The following GSN variants were observed in gnomAD, a reference collection of about 807,000 sequenced individuals.
The protein encoded by GSN is actin-depolymerizing factor.
GSN carries 56 observed loss-of-function variants against 85.7 expected under a neutral mutation model. The observed-to-expected ratio is 0.65, with a 90% CI of 0.53 to 0.82. The LOEUF is 0.82. GSN is among the 40% of genes least tolerant of loss of function. GSN has a pLI of 0.00. For missense variants in GSN, 857 were observed against 979.8 expected, an observed-to-expected ratio of 0.87 and a Z score of 1.67; for synonymous variants, 373 against 399.1, an observed-to-expected ratio of 0.93 and a Z score of 0.78.
In GSN at chr9:121,261,683, T is replaced by G. The variant is rs543039736; in HGVS notation, c.-340-3471T>G. On this transcript the variant is annotated intron_variant, in intron 6 of 24. Transcript: ENST00000373823. This position sits in a 1 kb window ranked among gnomAD's most constrained non-coding sequence, Gnocchi z 4.1. Reference sequence around the variant, plus strand: ...GCCATATGGCTTGGTCTCCCGTAACTCAGTGGATGTACCCTGTATCCCTGA... The same window carrying G: ...GCCATATGGCTTGGTCTCCCGTAACGCAGTGGATGTACCCTGTATCCCTGA... 6.6e-6 allele frequency among the ~76,000 whole-genome samples: 1 copy of G among 152,312 alleles called. No individual in the cohort carries two copies. The highest frequency in any genetic ancestry group is 2.1e-4 in the South Asian group (1 of 4,824).
chr9:121,211,120 T>C (rs890221484), intron 4 of GSN, among the ~76,000 whole-genome samples: 10 of 152,170 alleles, frequency 6.6e-5, no homozygotes, highest in Admixed American at 1.3e-4. Context: ...GTACATAGAA[T>C]AGTCAAATAC....
chr9:121,224,774 T>TTGTA (rs1427873787), intron 4 of GSN, among the ~76,000 whole-genome samples: 1 of 149,764 alleles, frequency 6.7e-6, no homozygotes, highest in East Asian at 1.9e-4. Flanking sequence ...AAAACTGAAT[T>TTGTA]TGTATGTATC....
Position 121,332,468 on chromosome 9 carries a change from G to T in GSN, c.2061G>T (p.Arg687=). Residue 687 remains arginine (R), a synonymous_variant, in exon 18 of 18, where the codon CGG becomes CGT. Transcript: ENST00000432226. This position sits in a 1 kb window ranked among gnomAD's most constrained non-coding sequence, Gnocchi z 4.8. ...ACATCGAGACGGACCCAGCCAATCG[G>T]GATCGGCGGACGCCCATCACCGTGG... The part of the protein sequence containing the change: ...KRYIETDPAN[R]DRRTPITVVK... 2 of 1,614,066 alleles carry T rather than the reference G, an allele frequency of 1.2e-6. No homozygotes were observed. Among genetic ancestry groups the T allele is most frequent in the Non-Finnish European group, 1.7e-6 (2 of 1,179,934 alleles).
chr9:121,233,731 G>C (rs1018242813), intron 5 of GSN, among the ~76,000 whole-genome samples: 1 of 152,144 alleles, frequency 6.6e-6, no homozygotes, highest in Non-Finnish European at 1.5e-5. Context: ...GGAGTGGTTT[G>C]TTGTACAGCA....
intron 2 of GSN, among the ~76,000 whole-genome samples, chr9:121,295,022 T>C (rs1297436396): frequency 6.6e-6 from 1 of 152,196 alleles, no homozygotes. Flanking sequence ...AGCCCAGACC[T>C]GAACTCTAGC....
chr9:121,281,819 C>T (rs2057411120), intron 2 of GSN: 1 of 471,132 alleles, frequency 2.1e-6, no homozygotes, highest in African/African-American at 2.0e-5. Flanking sequence ...GGCTCCCACC[C>T]TGGCTGTGCT....
Position 121,317,160 on chromosome 9 carries a change from G to C in GSN, c.828G>C (p.Lys276Asn), listed in dbSNP as rs1211183624. 2 of 1,614,056 alleles carry C rather than the reference G, an allele frequency of 1.2e-6. No individual in the cohort carries two copies. The highest frequency in any genetic ancestry group is 8.5e-7 in the Non-Finnish European group (1 of 1,180,016). ...DENPFAQGALKSEDCFILDHG... is the reference protein window; with the variant it reads ...DENPFAQGALNSEDCFILDHG... ...ACCCCTTCGCCCAGGGGGCCCTGAAGTCAGAGGACTGCTTCATCCTGGACC... is the reference window on the plus strand; with the variant it reads ...ACCCCTTCGCCCAGGGGGCCCTGAACTCAGAGGACTGCTTCATCCTGGACC... The change falls in exon 8 of 18, where the codon AAG becomes AAC. Residue 276 changes from lysine to asparagine, a missense_variant. Transcript: ENST00000432226.
intron 4 of GSN, among the ~76,000 whole-genome samples, chr9:121,212,584 A>T (rs2053987521): frequency 6.6e-6 from 1 of 151,928 alleles, no homozygotes; most frequent in Non-Finnish European, 1.5e-5. Flanking sequence ...CGACAAATTA[A>T]GCTAGACATA....
upstream of GSN, among the ~76,000 whole-genome samples, chr9:121,263,650 G>C (rs1358177560): frequency 6.6e-6 from 1 of 152,070 alleles, no homozygotes; most frequent in Admixed American, 6.5e-5. Context: ...CAGCACTTTG[G>C]TAGGCTGAGG....
intron 1 of GSN, among the ~76,000 whole-genome samples, chr9:121,278,977 G>A (rs937744788): frequency 4.6e-5 from 7 of 152,218 alleles, no homozygotes; most frequent in African/African-American, 1.2e-4. Flanking sequence ...ACGTGTGCAC[G>A]CATGGGAGTC....
chr9:121,224,702 G>A (rs1384116398), intron 4 of GSN, among the ~76,000 whole-genome samples: 2 of 141,412 alleles, frequency 1.4e-5, no homozygotes, highest in African/African-American at 5.3e-5. Flanking sequence ...TCGTCCTTCA[G>A]TTGGTCAATC....
chr9:121,264,034 G>A (rs1442115425), upstream of GSN, among the ~76,000 whole-genome samples: 1 of 152,020 alleles, frequency 6.6e-6, no homozygotes. Flanking sequence ...TACAATTCGA[G>A]ATGAGATTTG....
At chr9:121,322,204 C>T (rs2062558976) in intron 11 of GSN, among the ~76,000 whole-genome samples, 1 of 152,132 alleles carries the variant, frequency 6.6e-6, no homozygotes, top group African/African-American at 2.4e-5. Flanking sequence ...CTTGCATATC[C>T]TTCCAGTAAC....
At chr9:121,204,274 A>G (rs1004412276), upstream of GSN, among the ~76,000 whole-genome samples, 4 of 152,214 alleles carry the variant, frequency 2.6e-5, no homozygotes, top group African/African-American at 9.6e-5. Flanking sequence ...TTTAGGTGAA[A>G]ATTGGGTGGG....
At position 121,302,003 on chromosome 9, in the gene GSN, C is replaced by T; in HGVS notation, c.32C>T (p.Ala11Val). The change falls in exon 3 of 18, where the codon GCA (alanine) becomes GTA (valine). Residue 11 changes from alanine to valine, a missense_variant. By Grantham distance (64) the Ala-to-Val change is moderately conservative. Transcript: ENST00000432226. Reference protein sequence around the residue: MVVEHPEFLKAGKEPGLQIWR... With the variant: MVVEHPEFLKVGKEPGLQIWR... Reference sequence around the variant, plus strand: ...GTGGAACACCCCGAGTTCCTCAAGGCAGGGAAGGAGCCTGGCCTGCAGATC... The same window carrying T: ...GTGGAACACCCCGAGTTCCTCAAGGTAGGGAAGGAGCCTGGCCTGCAGATC... 6.2e-7 allele frequency: 1 copy of T among 1,614,272 alleles called. No homozygotes were observed. The highest frequency in any genetic ancestry group is 8.5e-7 in the Non-Finnish European group (1 of 1,180,044).
chr9:121,312,134 A>G (rs1310788945), intron 5 of GSN: 2 of 564,238 alleles, frequency 3.5e-6, no homozygotes, highest in Non-Finnish European at 6.3e-6. Context: ...TCCTGTCCTC[A>G]GACATGCGCT....
chr9:121,268,405 ATGGG>A (rs1189760487), intron 1 of GSN, among the ~76,000 whole-genome samples, 186 bp downstream of exon 1: 1 of 151,964 alleles, frequency 6.6e-6, no homozygotes, highest in African/African-American at 2.4e-5. Context: ...AAGAGTGTGG[ATGGG>A]AGTTGGGGGA....
intron 2 of GSN, chr9:121,286,710 A>G (rs781504714): frequency 1.3e-6 from 2 of 1,535,468 alleles, no homozygotes; most frequent in South Asian, 1.2e-5. Flanking sequence ...CACTGTGGCC[A>G]TCATTCTCCT....
upstream of GSN, among the ~76,000 whole-genome samples, chr9:121,202,847 C>A (rs1335011492): frequency 6.6e-6 from 1 of 152,210 alleles, no homozygotes; most frequent in Non-Finnish European, 1.5e-5. Context: ...TGTAAGCCGG[C>A]CGGGCGCGGT....
Sources: gnomAD v4.1 joint callset for allele counts (sites outside exome capture counted in the v4.1 genomes callset) on GRCh38, gnomAD v4.1.1 for gene constraint, Gnocchi (gnomAD v3.1) non-coding constraint, MANE v1.5 for transcripts, NCBI Gene and HGNC (gene_info 2026-07-23, HGNC 2026-07-21) for gene names.